The following MPHOSPH9 variants were observed in gnomAD, a reference collection of about 807,000 sequenced individuals.
MPHOSPH9 encodes the protein M-phase phosphoprotein 9.
A neutral mutation model predicts 145.5 loss-of-function variants in MPHOSPH9; 88 were observed. That is an observed-to-expected ratio of 0.60 (90% CI 0.51 to 0.72). MPHOSPH9 has a LOEUF of 0.72. Among genes scored for constraint, MPHOSPH9 ranks in the 30% least tolerant of loss-of-function variants. MPHOSPH9 has a pLI of 0.00. For missense variants in MPHOSPH9, 1,238 were observed against 1,386.6 expected, an observed-to-expected ratio of 0.89 and a Z score of 1.70; for synonymous variants, 435 against 486.2, an observed-to-expected ratio of 0.89 and a Z score of 1.39.
intron 14 of MPHOSPH9, 47 bp downstream of exon 14, chr12:123,181,116 G>T: frequency 6.5e-7 from 1 of 1,534,974 alleles, no homozygotes; most frequent in Non-Finnish European, 9.0e-7. Context: ...CCAATCCAAT[G>T]TTTCTGCCTC....
chr12:123,163,377 C>T, intron 19 of MPHOSPH9: 1 of 392,520 alleles, frequency 2.5e-6, no homozygotes, highest in Non-Finnish European at 4.4e-6. Flanking sequence ...ACTGGTTTTT[C>T]AGGATTTTAG....
chr12:123,237,148 G>A (rs2047864120), upstream of MPHOSPH9, among the ~76,000 whole-genome samples: 1 of 151,736 alleles, frequency 6.6e-6, no homozygotes, highest in Non-Finnish European at 1.5e-5. Flanking sequence ...TGGATTCAAA[G>A]TTTTCTGCTT....
chr12:123,222,188 G>A (rs771988297), intron 4 of MPHOSPH9, among the ~76,000 whole-genome samples: 3 of 151,324 alleles, frequency 2.0e-5, no homozygotes, highest in Non-Finnish European at 4.4e-5. Context: ...AGCCAGACAC[G>A]GTGGTGCGCA....
chr12:123,172,871 C>CTTTTTTTTTTTTTTTT lies in MPHOSPH9; in HGVS notation c.2456+3801_2456+3816dup, dbSNP rs1161727056. ...TGTTAGACTTTCAGGTTTTCATTCA[C>CTTTTTTTTTTTTTTTT]TTTTTTTTTTTTTTTTTTTTTTTTT... On this transcript the variant is annotated intron_variant, in intron 16 of 23. Coordinates refer to ENST00000606320, the MANE Select transcript of MPHOSPH9 (RefSeq NM_022782.4). 5.2e-5 allele frequency among the ~76,000 whole-genome samples: 3 copies of CTTTTTTTTTTTTTTTT among 57,932 alleles called. 1 individual carries two copies. Among genetic ancestry groups the CTTTTTTTTTTTTTTTT allele is most frequent in the Non-Finnish European group, 9.7e-5 (3 of 31,044 alleles). 38.0% of individuals were successfully genotyped at this position (57,932 alleles called of 152,430 possible). A position where few individuals can be genotyped will look rare whatever the true frequency, so the allele number is the denominator to read the frequency against.
chr12:123,182,399 G>A (rs536160896), intron 13 of MPHOSPH9, among the ~76,000 whole-genome samples: 103 of 151,012 alleles, frequency 6.8e-4, no homozygotes, highest in African/African-American at 2.2e-3. Context: ...GATTACAGGC[G>A]TATGCCACCA....
At position 123,166,638 on chromosome 12, in the gene MPHOSPH9, T is replaced by C. The variant is rs1365676506; in HGVS notation, c.2591+17A>G. ...ACATAACATCCCTAAATAGAATCTT[T>C]AGCAAAGTTATCTCACCCTAGGCTA... On this transcript the variant is annotated intron_variant, in intron 17 of 23. Transcript: ENST00000606320. The C allele has an allele frequency of 5.0e-6, 8 of 1,609,060 alleles. No homozygotes were observed. Among genetic ancestry groups the C allele is most frequent in the African/African-American group, 1.3e-5 (1 of 74,770 alleles).
intron 7 of MPHOSPH9, among the ~76,000 whole-genome samples, chr12:123,212,281 G>A (rs1277079294): frequency 6.6e-6 from 1 of 152,050 alleles, no homozygotes; most frequent in Admixed American, 6.5e-5. Flanking sequence ...CCATGTATGA[G>A]GGAGCTCCCT....
At position 123,202,287 on chromosome 12, in the gene MPHOSPH9, C is replaced by T. The variant is rs2046256043; in HGVS notation, c.1814G>A (p.Arg605Gln). The part of the protein sequence containing the change: ...IRQNLKEKHA[R>Q]HIADLRAYYE... ...ATAAGCTCGAAGATCTGCTATGTGT[C>T]GAGCATGCTTTTCCTTCAGATTCTG... Residue 605 changes from arginine to glutamine, a missense_variant, in exon 11 of 24, where the codon CGA becomes CAA. Arg to Gln is a conservative substitution (Grantham distance 43). This residue lies in a region of MPHOSPH9 where 837 missense variants were observed against 897.5 expected (regional missense o/e 0.93). Coordinates refer to ENST00000606320, the MANE Select transcript of MPHOSPH9 (RefSeq NM_022782.4). 1.2e-6 allele frequency: 2 copies of T among 1,608,492 alleles called. No homozygotes were observed. Among genetic ancestry groups the T allele is most frequent in the Non-Finnish European group, 1.7e-6 (2 of 1,178,676 alleles).
chr12:123,162,096 A>AT lies in MPHOSPH9; in HGVS notation c.3133+18dup, dbSNP rs1485472863. The AT allele has an allele frequency of 2.1e-6, 3 of 1,441,296 alleles. No individual in the cohort carries two copies. Among genetic ancestry groups the AT allele is most frequent in the African/African-American group, 1.4e-5 (1 of 70,250 alleles). The allele number at this position is 1,441,296 out of a possible 1,614,324, so 89.3% of individuals were successfully genotyped here. On this transcript the variant is annotated intron_variant, in intron 21 of 23. Transcript: ENST00000606320. ...ATGAATGATTAAAACCATAACTAAT[A>AT]TTTTTTAGGAAAAGATACCTTCCGA...
At chr12:123,219,495 G>A (rs371506014) in intron 5 of MPHOSPH9, among the ~76,000 whole-genome samples, 3 of 148,392 alleles carry the variant, frequency 2.0e-5, no homozygotes, top group South Asian at 4.3e-4. Context: ...AGAGCTTGCA[G>A]TGAGCCGAGA....
chr12:123,180,873 A>G (rs2045101107), intron 14 of MPHOSPH9, among the ~76,000 whole-genome samples: 1 of 152,210 alleles, frequency 6.6e-6, no homozygotes, highest in African/African-American at 2.4e-5. Context: ...AACAGTATTA[A>G]ATAATAATTT....
chr12:123,163,485 C>T (rs1727293), intron 19 of MPHOSPH9: 118,406 of 204,998 alleles, frequency 0.58, 39,537 homozygotes, highest in East Asian at 0.71. Context: ...AACGGAAATT[C>T]AGGACAGGAA....
chr12:123,178,922 G>A (rs561794858), intron 15 of MPHOSPH9, among the ~76,000 whole-genome samples: 12 of 152,212 alleles, frequency 7.9e-5, no homozygotes, highest in African/African-American at 2.4e-4. Context: ...GTCTCCAACC[G>A]GTCTTTCTGA....
Position 123,162,204 on chromosome 12 carries a change from A to G in MPHOSPH9, c.3044T>C (p.Leu1015Ser). The G allele has an allele frequency of 3.3e-6, 5 of 1,516,280 alleles. No homozygotes were observed. Among genetic ancestry groups the G allele is most frequent in the Non-Finnish European group, 4.4e-6 (5 of 1,125,254 alleles). The allele number at this position is 1,516,280 out of a possible 1,614,324, so 93.9% of individuals were successfully genotyped here. ...ESSPIRFDIL[L>S]DDLDTVPVST... The stretch of plus-strand genomic sequence containing the variant: ...CACAGGAACAGTATCTAAATCATCC[A>G]AAAGTATATCAAATCTATTGAATGA... The change falls in exon 21 of 24, where the codon TTG (leucine) becomes TCG (serine). Residue 1015 changes from leucine (L) to serine (S), a missense_variant. By Grantham distance (145) the Leu-to-Ser change is moderately radical (BLOSUM62 -2). Transcript: ENST00000606320.
chr12:123,158,169 TA>T (rs1324361073), intron 23 of MPHOSPH9, among the ~76,000 whole-genome samples: 1 of 152,102 alleles, frequency 6.6e-6, no homozygotes, highest in African/African-American at 2.4e-5. Context: ...TTCATATTTT[TA>T]GTAGAGACAG....
intron 23 of MPHOSPH9, among the ~76,000 whole-genome samples, chr12:123,158,189 C>T (rs957605993): frequency 1.3e-5 from 2 of 152,102 alleles, no homozygotes; most frequent in African/African-American, 2.4e-5. Flanking sequence ...AGGGTTTCGC[C>T]ATATTGGCCA....
intron 7 of MPHOSPH9, among the ~76,000 whole-genome samples, chr12:123,211,684 CTTTTTT>C (rs147321517): frequency 3.0e-5 from 2 of 67,770 alleles, no homozygotes; most frequent in South Asian, 1.4e-3. Context: ...TAGACAATTT[CTTTTTT>C]TTTTTTTTTT....
chr12:123,176,856 G>C, intron 15 of MPHOSPH9, 67 bp from the exon 16 acceptor site: 2 of 1,256,286 alleles, frequency 1.6e-6, no homozygotes, highest in South Asian at 1.2e-5. Flanking sequence ...CTCAACCACA[G>C]TTTATTTAAC....
chr12:123,230,256 C>A lies in MPHOSPH9; in HGVS notation c.104+5G>T. 1 of 1,434,188 alleles carries A rather than the reference C, an allele frequency of 7.0e-7. No homozygotes were observed. Among genetic ancestry groups the A allele is most frequent in the South Asian group, 1.3e-5 (1 of 79,330 alleles). The allele number at this position is 1,434,188 out of a possible 1,614,324, so 88.8% of individuals were successfully genotyped here. A position where few individuals can be genotyped will look rare whatever the true frequency, so the allele number is the denominator to read the frequency against. ...TGGTACATTTTTTTTAAATCCCATT[C>A]TTACCTATCAGTATTTAAGTTCAGT... On this transcript the variant is annotated splice_donor_5th_base_variant and intron_variant, in intron 2 of 23. Coordinates refer to ENST00000606320, the MANE Select transcript of MPHOSPH9 (RefSeq NM_022782.4).
Sources: gnomAD v4.1 joint callset for allele counts (sites outside exome capture counted in the v4.1 genomes callset) on GRCh38, gnomAD v4.1.1 for gene constraint, gnomAD v4.1.1 regional missense constraint, MANE v1.5 for transcripts, NCBI Gene and HGNC (gene_info 2026-07-23, HGNC 2026-07-21) for gene names.